The following KCNK3 variants were observed in gnomAD, a reference collection of about 807,000 sequenced individuals.
KCNK3 encodes the protein potassium two pore domain channel subfamily K member 3.
A neutral mutation model predicts 27.3 loss-of-function variants in KCNK3; 9 were observed. The ratio of observed to expected loss-of-function variants is 0.33; its 90% CI spans 0.20 to 0.57. The LOEUF (loss-of-function observed/expected upper bound fraction) is 0.57. KCNK3 is among the 20% of genes least tolerant of loss of function. KCNK3 has a pLI of 0.87. For synonymous variants in KCNK3, 278 were observed against 273.8 expected, an observed-to-expected ratio of 1.02 and a Z score of -0.15; for missense variants, 391 against 577.7, an observed-to-expected ratio of 0.68 and a Z score of 3.31.
chr2:26,727,872 C>T lies in KCNK3; in HGVS notation c.489C>T (p.Gly163=). The change falls in exon 2 of 2, where the codon GGC becomes GGT. Residue 163 remains glycine, a synonymous_variant. Transcript: ENST00000302909. ...CCATGGCCAACATGGTGCTCATCGG[C>T]TTCTTCTCGTGCATCAGCACGCTGT... ...DVSMANMVLI[G]FFSCISTLCI... The T allele has an allele frequency of 6.2e-7, 1 of 1,614,190 alleles. No homozygotes were observed. Among genetic ancestry groups the T allele is most frequent in the Non-Finnish European group, 8.5e-7 (1 of 1,180,014 alleles).
intron 1 of KCNK3, among the ~76,000 whole-genome samples, chr2:26,711,240 C>T (rs1461376084): frequency 1.3e-5 from 2 of 152,244 alleles, no homozygotes; most frequent in Non-Finnish European, 2.9e-5. Flanking sequence ...ATCGCCTCCT[C>T]ATTTCTCAGT....
In KCNK3 at chr2:26,702,228, G is replaced by A. The variant is rs1355521559; in HGVS notation, c.283+9070G>A. On this transcript the variant is annotated intron_variant, in intron 1 of 1. Transcript: ENST00000302909. ...TCCTCACATCCTCACATGACAGAGA[G>A]AGAGAGAAAATGAGAGAGAGTGCTA... Among the ~76,000 whole-genome samples the A allele has an allele frequency of 3.3e-5, 5 of 152,326 alleles. No individual in the cohort carries two copies. In the East Asian group the frequency reaches 9.7e-4, roughly 29 times the overall value.
Position 26,693,281 on chromosome 2 carries a change from C to G in KCNK3, c.283+123C>G. On this transcript the variant is annotated intron_variant, in intron 1 of 1. Transcript: ENST00000302909. The surrounding 1 kb of genome is among the most constrained non-coding windows in gnomAD (Gnocchi z 5.5). ...GAGAGGGGCTGGGCGCCGAACCCTG[C>G]GCTCGCAGAAACCCGAGTTCAGCCT... 1.0e-6 allele frequency: 1 copy of G among 987,116 alleles called. No homozygotes were observed. Among genetic ancestry groups the G allele is most frequent in the Non-Finnish European group, 1.4e-6 (1 of 720,194 alleles). 61.1% of individuals were successfully genotyped at this position (987,116 alleles called of 1,614,324 possible). A position where few individuals can be genotyped will look rare whatever the true frequency, so the allele number is the denominator to read the frequency against.
intron 1 of KCNK3, among the ~76,000 whole-genome samples, chr2:26,727,438 T>G (rs761996511): frequency 6.6e-6 from 1 of 152,152 alleles, no homozygotes; most frequent in Non-Finnish European, 1.5e-5. Context: ...TTGGAAGTCA[T>G]CCCTCCTTAT....
intron 1 of KCNK3, among the ~76,000 whole-genome samples, chr2:26,699,459 A>G (rs940299902): frequency 6.6e-6 from 1 of 152,240 alleles, no homozygotes; most frequent in African/African-American, 2.4e-5. Context: ...GACAAACACA[A>G]TAAGTATTTT....
intron 1 of KCNK3, among the ~76,000 whole-genome samples, chr2:26,701,747 C>T (rs1297967588): frequency 6.6e-6 from 1 of 152,196 alleles, no homozygotes; most frequent in Non-Finnish European, 1.5e-5. Context: ...TGAGACCAGC[C>T]TGGCCAACAT....
chr2:26,726,925 C>T (rs143327988), intron 1 of KCNK3, among the ~76,000 whole-genome samples: 2 of 152,334 alleles, frequency 1.3e-5, no homozygotes, highest in Non-Finnish European at 2.9e-5. Context: ...CAGAGGAAGA[C>T]CCCAAGGCCT....
At chr2:26,710,578 A>AG (rs1405593791) in intron 1 of KCNK3, among the ~76,000 whole-genome samples, 1 of 152,150 alleles carries the variant, frequency 6.6e-6, no homozygotes, top group Non-Finnish European at 1.5e-5. Context: ...CAGACAGTGT[A>AG]GGGGGGAAGA....
intron 1 of KCNK3, among the ~76,000 whole-genome samples, chr2:26,724,163 C>T (rs1278245754): frequency 2.0e-5 from 3 of 152,340 alleles, no homozygotes; most frequent in Admixed American, 1.3e-4. Flanking sequence ...TGGGCGCCCA[C>T]GTCAGCAGGT....
At chr2:26,697,323 G>A (rs1372952602) in intron 1 of KCNK3, among the ~76,000 whole-genome samples, 3 of 152,270 alleles carry the variant, frequency 2.0e-5, no homozygotes, top group African/African-American at 4.8e-5. Context: ...CGGACAACAT[G>A]GCAAAACCCA....
At position 26,693,077 on chromosome 2, in the gene KCNK3, C is replaced by A. The variant is rs1025063325; in HGVS notation, c.202C>A (p.Arg68Ser). Reference protein sequence around the residue: ...GYEELERVVLRLKPHKAGVQW... With the variant: ...GYEELERVVLSLKPHKAGVQW... ...CGAGGAGCTGGAGCGCGTCGTGCTG[C>A]GCCTCAAGCCGCACAAGGCCGGCGT... is the stretch of plus-strand genomic sequence containing the variant. The change falls in exon 1 of 2, where the codon CGC becomes AGC. Residue 68 changes from arginine to serine, a missense_variant. Physicochemically the swap from Arg to Ser is moderately radical, Grantham distance 110. Around this residue, in one of 4 missense-constraint regions of KCNK3, gnomAD observed 158 missense variants for 267.7 expected, o/e 0.59. Transcript: ENST00000302909. This position sits in a 1 kb window ranked among gnomAD's most constrained non-coding sequence, Gnocchi z 5.5. The A allele has an allele frequency of 1.9e-6, 3 of 1,603,500 alleles. No individual in the cohort carries two copies. Among genetic ancestry groups the A allele is most frequent in the Non-Finnish European group, 2.5e-6 (3 of 1,176,774 alleles).
chr2:26,732,593 G>A lies in KCNK3; in HGVS notation c.*4025G>A, dbSNP rs1663560060. On this transcript the variant is annotated 3_prime_UTR_variant, in exon 2 of 2. Coordinates refer to ENST00000302909, the MANE Select transcript of KCNK3 (RefSeq NM_002246.3). Reference sequence around the variant, plus strand: ...GGCAGGACACAGCCAGCCCTCCTGTGACAGCACTCCTGGCAGCTCCTTGTT... The same window carrying A: ...GGCAGGACACAGCCAGCCCTCCTGTAACAGCACTCCTGGCAGCTCCTTGTT... The A allele has an allele frequency of 6.6e-6, 1 of 152,278 alleles. No homozygotes were observed. Among genetic ancestry groups the A allele is most frequent in the African/African-American group, 2.4e-5 (1 of 41,452 alleles). The allele number at this position is 152,278 out of a possible 1,614,324, so 9.4% of individuals were successfully genotyped here.
chr2:26,721,689 C>T lies in KCNK3; in HGVS notation c.284-5978C>T, dbSNP rs116129948. On this transcript the variant is annotated intron_variant, in intron 1 of 1. Coordinates refer to ENST00000302909, the MANE Select transcript of KCNK3 (RefSeq NM_002246.3). This position sits in a 1 kb window ranked among gnomAD's most constrained non-coding sequence, Gnocchi z 4.3. ...TGTCTTGCAGCCCCCAGAGCTGCCT[C>T]TGTCTCCCCCAAGCCCGCACTCCTC... is the stretch of plus-strand genomic sequence containing the variant. Among the ~76,000 whole-genome samples the T allele has an allele frequency of 9.2e-3, 1,397 of 152,292 alleles. 39 individuals are homozygous for T. Among genetic ancestry groups the T allele is most frequent in the African/African-American group, 0.032 (1,333 of 41,540 alleles).
chr2:26,699,844 A>G (rs1317703700), intron 1 of KCNK3, among the ~76,000 whole-genome samples: 1 of 152,240 alleles, frequency 6.6e-6, no homozygotes, highest in Non-Finnish European at 1.5e-5. Context: ...AAGGACGCTC[A>G]GAGAAGTTCA....
chr2:26,723,187 T>G (rs1474174179), intron 1 of KCNK3, among the ~76,000 whole-genome samples: 1 of 152,142 alleles, frequency 6.6e-6, no homozygotes, highest in Non-Finnish European at 1.5e-5. Flanking sequence ...GAGTGGCTAG[T>G]TGTGCTTTGA....
chr2:26,727,388 G>A (rs1426959769), intron 1 of KCNK3, among the ~76,000 whole-genome samples: 1 of 152,164 alleles, frequency 6.6e-6, no homozygotes. Flanking sequence ...AAACGGACTC[G>A]AGTTCAAACA....
Position 26,718,154 on chromosome 2 carries a change from T to C in KCNK3, c.284-9513T>C, listed in dbSNP as rs547044036. ...AGCTCAGGCCTGAGCACTTGACAAC[T>C]GGACCATGCAGAGGACCTCAGTGGA... On this transcript the variant is annotated intron_variant, in intron 1 of 1. Transcript: ENST00000302909. Among the ~76,000 whole-genome samples, 588 of 151,632 alleles carry C rather than the reference T, an allele frequency of 3.9e-3. 3 individuals carry two copies. The highest frequency in any genetic ancestry group is 0.013 in the African/African-American group (557 of 41,340).
chr2:26,731,277 G>C lies in KCNK3; in HGVS notation c.*2709G>C, dbSNP rs540518052. On this transcript the variant is annotated 3_prime_UTR_variant, in exon 2 of 2. Transcript: ENST00000302909. ...GCCATCTCCCACCCCCTCCCCTGCCGGGGTCTACAAACATATCTAGCTGCT... is the reference window on the plus strand; with the variant it reads ...GCCATCTCCCACCCCCTCCCCTGCCCGGGTCTACAAACATATCTAGCTGCT... 2 of 152,256 alleles carry C rather than the reference G, an allele frequency of 1.3e-5. No homozygotes were observed. The highest frequency in any genetic ancestry group is 4.8e-5 in the African/African-American group (2 of 41,416). The allele number at this position is 152,256 out of a possible 1,614,324, so 9.4% of individuals were successfully genotyped here. A position where few individuals can be genotyped will look rare whatever the true frequency, so the allele number is the denominator to read the frequency against.
chr2:26,728,646 C>T lies in KCNK3; in HGVS notation c.*78C>T. 7.9e-7 allele frequency: 1 copy of T among 1,259,516 alleles called. No individual in the cohort carries two copies. The allele number at this position is 1,259,516 out of a possible 1,614,324, so 78.0% of individuals were successfully genotyped here. ...GGAGGCCAGGAGACTGCCCCTGCTG[C>T]CTTCTGCCCAGTGGGACCCCGCACA... On this transcript the variant is annotated 3_prime_UTR_variant, in exon 2 of 2. Transcript: ENST00000302909.
Sources: allele counts gnomAD v4.1 joint callset (sites outside exome capture counted in the v4.1 genomes callset), GRCh38; gene constraint gnomAD v4.1.1; regional missense constraint gnomAD v4.1.1; non-coding constraint Gnocchi (gnomAD v3.1); transcripts MANE v1.5; gene names NCBI Gene and HGNC (gene_info 2026-07-23, HGNC 2026-07-21).